ATXN10: variants seen among roughly 807,000 people sequenced by gnomAD.
ATXN10 encodes ataxin 10.
Under a neutral mutation model 52.9 loss-of-function variants are expected in ATXN10, and 28 were observed. The ratio of observed to expected loss-of-function variants is 0.53; its 90% CI spans 0.39 to 0.73. The LOEUF (loss-of-function observed/expected upper bound fraction) is 0.73. ATXN10 is among the 30% of genes least tolerant of loss of function. The pLI is 0.00. For synonymous variants in ATXN10, 226 were observed against 221.5 expected, an observed-to-expected ratio of 1.02 and a Z score of -0.18; for missense variants, 565 against 577.0, an observed-to-expected ratio of 0.98 and a Z score of 0.21.
intron 5 of ATXN10, among the ~76,000 whole-genome samples, chr22:45,707,564 T>C (rs1924089699): frequency 6.6e-6 from 1 of 151,522 alleles, no homozygotes. Context: ...ATTTTAATCA[T>C]CTGCAGTTTT....
chr22:45,785,986 C>G (rs1759151860), intron 9 of ATXN10, among the ~76,000 whole-genome samples: 1 of 152,158 alleles, frequency 6.6e-6, no homozygotes, highest in South Asian at 2.1e-4. Context: ...ATTCATTCAC[C>G]AAATTTTTTT....
At chr22:45,767,448 CA>C (rs1926624466) in intron 9 of ATXN10, among the ~76,000 whole-genome samples, 1 of 151,706 alleles carries the variant, frequency 6.6e-6, no homozygotes, top group African/African-American at 2.4e-5. Context: ...CACACACACA[CA>C]CACACCACAC....
At chr22:45,739,426 A>G (rs1037782605) in intron 8 of ATXN10, among the ~76,000 whole-genome samples, 3 of 152,220 alleles carry the variant, frequency 2.0e-5, no homozygotes, top group African/African-American at 7.2e-5. Context: ...TTTCCTTTAA[A>G]AAGATGATAC....
intron 9 of ATXN10, among the ~76,000 whole-genome samples, chr22:45,802,932 C>T (rs1927976661): frequency 6.6e-6 from 1 of 152,122 alleles, no homozygotes; most frequent in African/African-American, 2.4e-5. Context: ...TGAAACTTTG[C>T]CTAATGCAGA....
At chr22:45,695,575 C>T (rs561705519) in intron 3 of ATXN10, among the ~76,000 whole-genome samples, 5 of 151,474 alleles carry the variant, frequency 3.3e-5, no homozygotes, top group South Asian at 2.1e-4. Context: ...CTGCAACCAC[C>T]GCCTTCCCGC....
intron 9 of ATXN10, among the ~76,000 whole-genome samples, chr22:45,794,301 AT>A (rs57684575): frequency 0.063 from 9,644 of 151,894 alleles, 337 homozygotes; most frequent in African/African-American, 0.084. Context: ...CAAGCCTTTG[AT>A]TTTTTTCTGT....
At position 45,774,991 on chromosome 22, in the gene ATXN10, TTTTG is replaced by T. The variant is rs915239670; in HGVS notation, c.1174-31956_1174-31953del. ...CAGGGGTCGGAGAAACACTAAAGTTTTTTGTTTGTTTGTTTTGCCTTTTCCCCAT... is the reference window on the plus strand; with the variant it reads ...CAGGGGTCGGAGAAACACTAAAGTTTTTTGTTTGTTTTGCCTTTTCCCCAT... On this transcript the variant is annotated intron_variant, in intron 9 of 11. Coordinates refer to ENST00000252934, the MANE Select transcript of ATXN10 (RefSeq NM_013236.4). The surrounding 1 kb of genome is among the most constrained non-coding windows in gnomAD (Gnocchi z 6.2). Among the ~76,000 whole-genome samples the T allele has an allele frequency of 2.6e-5, 4 of 152,166 alleles. No individual in the cohort carries two copies. Among genetic ancestry groups the T allele is most frequent in the Non-Finnish European group, 5.9e-5 (4 of 68,012 alleles).
chr22:45,782,757 A>T (rs1181674296), intron 9 of ATXN10, among the ~76,000 whole-genome samples: 5 of 152,214 alleles, frequency 3.3e-5, no homozygotes, highest in African/African-American at 1.2e-4. Flanking sequence ...ACCGTAATAA[A>T]TTAAATGTTA....
intron 10 of ATXN10, among the ~76,000 whole-genome samples, chr22:45,809,587 C>T (rs1277316038): frequency 6.6e-6 from 1 of 152,150 alleles, no homozygotes; most frequent in East Asian, 1.9e-4. Context: ...CCACCTCCTC[C>T]CCTCCCTCCC....
At chr22:45,812,858 G>A (rs1928328511) in intron 10 of ATXN10, among the ~76,000 whole-genome samples, 1 of 152,134 alleles carries the variant, frequency 6.6e-6, no homozygotes, top group Admixed American at 6.5e-5. Context: ...TTCCACTTTT[G>A]TCGGCCACCC....
Position 45,759,135 on chromosome 22 carries a change from C to G in ATXN10, c.1173+18597C>G, listed in dbSNP as rs564886646. On this transcript the variant is annotated intron_variant, in intron 9 of 11. Coordinates refer to ENST00000252934, the MANE Select transcript of ATXN10 (RefSeq NM_013236.4). The surrounding 1 kb of genome is among the most constrained non-coding windows in gnomAD (Gnocchi z 5.4). ...AGCACACTGTGTGCCAAGCATTATG[C>G]GAGGTGCTGGAGAGAAGGAAGGGGA... Among the ~76,000 whole-genome samples, 40 of 152,176 alleles carry G rather than the reference C, an allele frequency of 2.6e-4. No homozygotes were observed. The highest frequency in any genetic ancestry group is 9.4e-4 in the African/African-American group (39 of 41,522).
intron 9 of ATXN10, among the ~76,000 whole-genome samples, chr22:45,767,699 T>C (rs925543510): frequency 6.7e-6 from 1 of 150,250 alleles, no homozygotes; most frequent in Non-Finnish European, 1.5e-5. Flanking sequence ...AGGGAGAGGG[T>C]TGGAGGAAGG....
At chr22:45,738,402 A>G (rs1569043372) in intron 7 of ATXN10, 3 of 280,906 alleles carry the variant, frequency 1.1e-5, no homozygotes, top group African/African-American at 4.4e-5. Flanking sequence ...TGTCATGTAC[A>G]TAGCTAGTAA....
At position 45,684,471 on chromosome 22, in the gene ATXN10, C is replaced by T. The variant is rs778457840; in HGVS notation, c.117-5241C>T. On this transcript the variant is annotated intron_variant, in intron 1 of 11. Coordinates refer to ENST00000252934, the MANE Select transcript of ATXN10 (RefSeq NM_013236.4). The surrounding 1 kb of genome is among the most constrained non-coding windows in gnomAD (Gnocchi z 4.1). Reference sequence around the variant, plus strand: ...CCCATGAGTTAAGAATGGTTTTTTACGTTTCTAAATGGTTGGGGAGATGAT... The same window carrying T: ...CCCATGAGTTAAGAATGGTTTTTTATGTTTCTAAATGGTTGGGGAGATGAT... 3.3e-5 allele frequency among the ~76,000 whole-genome samples: 5 copies of T among 151,934 alleles called. No individual in the cohort carries two copies. Among genetic ancestry groups the T allele is most frequent in the Non-Finnish European group, 5.9e-5 (4 of 67,994 alleles).
chr22:45,845,031 T>C lies in ATXN10; in HGVS notation c.*1360T>C, dbSNP rs538911594. Reference sequence around the variant, plus strand: ...ACATTTTTTCTCTCATTTATGACTTTCCATCAGTAAAGAAGCCATTGCAGA... The same window carrying C: ...ACATTTTTTCTCTCATTTATGACTTCCCATCAGTAAAGAAGCCATTGCAGA... On this transcript the variant is annotated 3_prime_UTR_variant, in exon 12 of 12. Transcript: ENST00000252934. The surrounding 1 kb of genome is among the most constrained non-coding windows in gnomAD (Gnocchi z 4.7). 6 of 152,350 alleles carry C rather than the reference T, an allele frequency of 3.9e-5. No individual in the cohort carries two copies. The East Asian group carries it at 1.2e-3, about 29-fold the overall frequency. 9.4% of individuals were successfully genotyped at this position (152,350 alleles called of 1,614,324 possible). A position where few individuals can be genotyped will look rare whatever the true frequency, so the allele number is the denominator to read the frequency against.
intron 9 of ATXN10, among the ~76,000 whole-genome samples, chr22:45,791,473 C>CGACCATGCT (rs1487874138): frequency 6.6e-6 from 1 of 151,766 alleles, no homozygotes; most frequent in African/African-American, 2.4e-5. Flanking sequence ...AAAAAGTTCT[C>CGACCATGCT]TAGTTTTCTG....
At chr22:45,806,586 C>G (rs936885000) in intron 9 of ATXN10, among the ~76,000 whole-genome samples, 1 of 152,126 alleles carries the variant, frequency 6.6e-6, no homozygotes, top group African/African-American at 2.4e-5. Context: ...TTTCCTATTC[C>G]CAGCTTAGAA....
chr22:45,707,319 A>G (rs1381428699), intron 5 of ATXN10, among the ~76,000 whole-genome samples: 1 of 152,124 alleles, frequency 6.6e-6, no homozygotes, highest in African/African-American at 2.4e-5. Flanking sequence ...TTATCATTCT[A>G]TTGAAATTAT....
intron 10 of ATXN10, among the ~76,000 whole-genome samples, chr22:45,834,090 A>G (rs927077760): frequency 2.6e-5 from 4 of 152,200 alleles, no homozygotes; most frequent in East Asian, 1.9e-4. Context: ...GAATGTGACA[A>G]CTGATGCTGT....
Sources: gnomAD v4.1 joint callset for allele counts (sites outside exome capture counted in the v4.1 genomes callset) on GRCh38, gnomAD v4.1.1 for gene constraint, Gnocchi (gnomAD v3.1) non-coding constraint, MANE v1.5 for transcripts, NCBI Gene and HGNC (gene_info 2026-07-23, HGNC 2026-07-21) for gene names.